The following MFSD12 variants were observed in gnomAD, a reference collection of about 807,000 sequenced individuals.
MFSD12 encodes major facilitator superfamily domain-containing protein 12.
In MFSD12, 67 loss-of-function variants were observed where a neutral mutation model predicts 51.2. The ratio of observed to expected loss-of-function variants is 1.31; its 90% CI spans 1.08 to 1.60. MFSD12 has a LOEUF of 1.60. MFSD12 is among the 40% of genes most tolerant of loss of function. MFSD12 has a pLI of 0.00. For missense variants in MFSD12, 921 were observed against 673.0 expected (o/e 1.37, Z -4.08); for synonymous variants, 441 against 316.7 (o/e 1.39, Z -4.17).
chr19:3,542,262 C>T (rs1384044766), downstream of MFSD12: 3 of 985,276 alleles, frequency 3.0e-6, no homozygotes, highest in Non-Finnish European at 3.6e-6. Context: ...ACTGACCAGG[C>T]TACTCCCATG....
intron 2 of MFSD12, among the ~76,000 whole-genome samples, chr19:3,549,712 G>C (rs1298875053): frequency 2.8e-5 from 3 of 109,032 alleles, no homozygotes; most frequent in Non-Finnish European, 5.3e-5. Context: ...GACAGAGTGA[G>C]ACTCTTGTCT....
chr19:3,554,774 T>G (rs2031651623), intron 1 of MFSD12, among the ~76,000 whole-genome samples: 2 of 152,322 alleles, frequency 1.3e-5, no homozygotes, highest in Non-Finnish European at 2.9e-5. Flanking sequence ...CCAGGACTTG[T>G]TAAAGGGCAA....
chr19:3,551,930 C>A lies in MFSD12; in HGVS notation c.299-736G>T, dbSNP rs1262855167. ...TCCTGCCCCCGGGCCTTTGCATGGG[C>A]GTGCCTCTGCCTAGAGCTCTCTCTC... is the stretch of plus-strand genomic sequence containing the variant. On this transcript the variant is annotated intron_variant, in intron 1 of 9. Coordinates refer to ENST00000355415, the MANE Select transcript of MFSD12 (RefSeq NM_174983.5). The surrounding 1 kb of genome is among the most constrained non-coding windows in gnomAD (Gnocchi z 4.6). 6.6e-6 allele frequency among the ~76,000 whole-genome samples: 1 copy of A among 152,108 alleles called. No homozygotes were observed. Among genetic ancestry groups the A allele is most frequent in the African/African-American group, 2.4e-5 (1 of 41,418 alleles).
chr19:3,541,168 CAAAAAAA>C (rs1207941689), downstream of MFSD12, among the ~76,000 whole-genome samples: 3 of 87,186 alleles, frequency 3.4e-5, no homozygotes, highest in South Asian at 8.6e-4. Flanking sequence ...GACTCTGTCT[CAAAAAAA>C]AAAAAAAAAA....
At chr19:3,556,254 T>C (rs1356207298) in intron 1 of MFSD12, among the ~76,000 whole-genome samples, 2 of 152,162 alleles carry the variant, frequency 1.3e-5, no homozygotes, top group African/African-American at 4.8e-5. Flanking sequence ...TTGGTCACCC[T>C]AATAGACGAG....
At chr19:3,550,957 C>T (rs779112345) in intron 2 of MFSD12, 27 bp downstream of exon 2, 55 of 1,601,802 alleles carry the variant, frequency 3.4e-5, no homozygotes, top group Non-Finnish European at 4.2e-5. Flanking sequence ...CCACCCTGCC[C>T]GTGGGGGAGG....
At chr19:3,543,776 C>G, downstream of MFSD12, 1 of 1,490,678 alleles carries the variant, frequency 6.7e-7, no homozygotes, top group Non-Finnish European at 9.0e-7. Context: ...GAGCCCCTTG[C>G]TGGCCAACGG....
downstream of MFSD12, chr19:3,543,596 A>G (rs1319120701): frequency 1.2e-5 from 19 of 1,533,814 alleles, no homozygotes; most frequent in East Asian, 2.5e-5. Context: ...GCATGACCCC[A>G]TCGTCCCTGC....
chr19:3,544,838 A>T lies in MFSD12; in HGVS notation c.1391T>A (p.Leu464His). ...GVAAALCLCS[L>H]LLWPTRLRRW... Reference sequence around the variant, plus strand: ...TCGCAGGCGGGTCGGCCACAGCAGGAGGCTACAGAGACACAGGGCAGCGGC... The same window carrying T: ...TCGCAGGCGGGTCGGCCACAGCAGGTGGCTACAGAGACACAGGGCAGCGGC... The change falls in exon 9 of 10, where the codon CTC (leucine) becomes CAC (histidine). Residue 464 changes from leucine to histidine, a missense_variant. Leu to His is a moderately conservative substitution (Grantham distance 99). Transcript: ENST00000355415. The T allele has an allele frequency of 6.2e-7, 1 of 1,612,520 alleles. No individual in the cohort carries two copies. Among genetic ancestry groups the T allele is most frequent in the East Asian group, 2.2e-5 (1 of 44,868 alleles).
Position 3,551,328 on chromosome 19 carries a change from G to T in MFSD12, c.299-134C>A. On this transcript the variant is annotated intron_variant, in intron 1 of 9. Coordinates refer to ENST00000355415, the MANE Select transcript of MFSD12 (RefSeq NM_174983.5). This position sits in a 1 kb window ranked among gnomAD's most constrained non-coding sequence, Gnocchi z 4.6. Reference sequence around the variant, plus strand: ...CCCCCCGCATGCACACAGTCACGCAGGAGCGAGGGTCTGCAGTCGGGGTCC... The same window carrying T: ...CCCCCCGCATGCACACAGTCACGCATGAGCGAGGGTCTGCAGTCGGGGTCC... The T allele has an allele frequency of 1.4e-6, 1 of 698,394 alleles. No homozygotes were observed. The highest frequency in any genetic ancestry group is 2.3e-6 in the Non-Finnish European group (1 of 431,194). 43.3% of individuals were successfully genotyped at this position (698,394 alleles called of 1,614,324 possible). A position where few individuals can be genotyped will look rare whatever the true frequency, so the allele number is the denominator to read the frequency against.
At chr19:3,545,478 G>A (rs1201599609) in intron 8 of MFSD12, among the ~76,000 whole-genome samples, 1 of 152,214 alleles carries the variant, frequency 6.6e-6, no homozygotes, top group Non-Finnish European at 1.5e-5. Context: ...CTGCCCCAGG[G>A]CTTTGGCACT....
At chr19:3,553,803 T>C (rs2031601925) in intron 1 of MFSD12, among the ~76,000 whole-genome samples, 1 of 142,268 alleles carries the variant, frequency 7.0e-6, no homozygotes, top group African/African-American at 2.6e-5. Flanking sequence ...AAGAAGAGGC[T>C]GGGTGCGGTG....
intron 1 of MFSD12, among the ~76,000 whole-genome samples, chr19:3,553,003 C>T (rs1208317073): frequency 2.0e-5 from 3 of 152,156 alleles, no homozygotes; most frequent in African/African-American, 2.4e-5. Context: ...TTCCTCCCTC[C>T]GGAGGTGACC....
At chr19:3,547,802 G>T in intron 4 of MFSD12, 46 bp downstream of exon 4, 1 of 1,459,322 alleles carries the variant, frequency 6.9e-7, no homozygotes. Flanking sequence ...AGGCCCTGTG[G>T]GTGGGAGAGA....
chr19:3,547,729 GGTGTGGGCTGCACCAGGGGCCAC>G (rs980482339), intron 4 of MFSD12, 96 bp downstream of exon 4: 50 of 1,285,530 alleles, frequency 3.9e-5, no homozygotes, highest in Non-Finnish European at 5.1e-5. Context: ...GTTTGCCCTG[GGTGTGGGCTGCACCAGGGGCCAC>G]GTGTGCTCTG....
downstream of MFSD12, among the ~76,000 whole-genome samples, chr19:3,540,653 G>T (rs369288399): frequency 2.4e-4 from 36 of 151,584 alleles, no homozygotes; most frequent in East Asian, 3.4e-3. Context: ...GCCGAGGCAG[G>T]CGGATCACCT....
Position 3,544,843 on chromosome 19 carries a change from A to G in MFSD12, c.1386T>C (p.Cys462=). The G allele has an allele frequency of 1.2e-6, 2 of 1,612,516 alleles. No homozygotes were observed. Among genetic ancestry groups the G allele is most frequent in the Non-Finnish European group, 1.7e-6 (2 of 1,179,712 alleles). The change falls in exon 9 of 10, where the codon TGT becomes TGC. Residue 462 remains cysteine (C), a synonymous_variant. Coordinates refer to ENST00000355415, the MANE Select transcript of MFSD12 (RefSeq NM_174983.5). ...GGCGGGTCGGCCACAGCAGGAGGCT[A>G]CAGAGACACAGGGCAGCGGCCACGC... ...GVGVAAALCL[C]SLLLWPTRLR...
chr19:3,553,826 A>G (rs772311482), intron 1 of MFSD12, among the ~76,000 whole-genome samples: 1 of 151,738 alleles, frequency 6.6e-6, no homozygotes, highest in Non-Finnish European at 1.5e-5. Context: ...TCATGCTTGT[A>G]ATCCCAGCAC....
intron 4 of MFSD12, chr19:3,539,051 G>A (rs1377483564): frequency 3.2e-5 from 21 of 660,144 alleles, no homozygotes; most frequent in Non-Finnish European, 5.5e-5. Flanking sequence ...CTTCCCTCGA[G>A]GCCACCTCAC....
Sources: gnomAD v4.1 joint callset for allele counts (sites outside exome capture counted in the v4.1 genomes callset) on GRCh38, gnomAD v4.1.1 for gene constraint, Gnocchi (gnomAD v3.1) non-coding constraint, MANE v1.5 for transcripts, NCBI Gene and HGNC (gene_info 2026-07-23, HGNC 2026-07-21) for gene names.